The following RSRC1 variants were observed in gnomAD, a reference collection of about 807,000 sequenced individuals.
RSRC1 encodes the protein serine/Arginine-related protein 53.
Under a neutral mutation model 49.1 loss-of-function variants are expected in RSRC1, and 39 were observed. The ratio of observed to expected loss-of-function variants is 0.79; its 90% CI spans 0.61 to 1.04. The LOEUF is 1.04. RSRC1 is among the 50% of genes least tolerant of loss of function. RSRC1 has a pLI of 0.00. For synonymous variants in RSRC1, 143 were observed against 130.8 expected, an observed-to-expected ratio of 1.09 and a Z score of -0.63; for missense variants, 388 against 402.4, an observed-to-expected ratio of 0.96 and a Z score of 0.31.
intron 3 of RSRC1, among the ~76,000 whole-genome samples, chr3:158,148,264 G>A (rs1359683205): frequency 1.3e-5 from 2 of 152,010 alleles, no homozygotes; most frequent in Admixed American, 6.6e-5. Flanking sequence ...TAATTGTATG[G>A]GGTCATTGGA....
At chr3:158,225,725 G>A (rs1315425206) in intron 4 of RSRC1, 1 of 451,478 alleles carries the variant, frequency 2.2e-6, no homozygotes, top group Admixed American at 2.4e-5. Context: ...GTTTTAGGAA[G>A]ACCAAATTGT....
At chr3:158,449,774 T>C (rs1028990474) in intron 6 of RSRC1, among the ~76,000 whole-genome samples, 2 of 152,046 alleles carry the variant, frequency 1.3e-5, no homozygotes, top group African/African-American at 4.8e-5. Context: ...CCGTAATTTC[T>C]TTCTTGAGTT....
intron 7 of RSRC1, among the ~76,000 whole-genome samples, chr3:158,482,414 T>C (rs772730145): frequency 5.3e-5 from 8 of 152,086 alleles, no homozygotes; most frequent in Admixed American, 5.2e-4. Flanking sequence ...GTTTTCACTT[T>C]AATTATTATT....
At chr3:158,224,525 C>A (rs1360448186) in intron 4 of RSRC1, among the ~76,000 whole-genome samples, 1 of 151,752 alleles carries the variant, frequency 6.6e-6, no homozygotes, top group African/African-American at 2.4e-5. Flanking sequence ...ATTTTGAAAT[C>A]ACAGAATTTC....
At chr3:158,404,936 T>G (rs1734082373) in intron 6 of RSRC1, among the ~76,000 whole-genome samples, 1 of 151,922 alleles carries the variant, frequency 6.6e-6, no homozygotes, top group South Asian at 2.1e-4. Flanking sequence ...ACTGTAATGG[T>G]TTTCAAGGAG....
intron 3 of RSRC1, among the ~76,000 whole-genome samples, chr3:158,128,536 A>G (rs767513683): frequency 3.3e-5 from 5 of 152,068 alleles, no homozygotes; most frequent in Non-Finnish European, 7.4e-5. Context: ...TTTATTTTAA[A>G]CTAATTTTAG....
At position 158,496,341 on chromosome 3, in the gene RSRC1, A is replaced by G. The variant is rs1437771452; in HGVS notation, c.652+35338A>G. ...CCTGGAGACTGATTGTTCCACTCCC[A>G]GAGTTTCTGATTCAGGGGGTCTGAG... On this transcript the variant is annotated intron_variant, in intron 7 of 9. Transcript: ENST00000611884. 2.6e-5 allele frequency among the ~76,000 whole-genome samples: 4 copies of G among 152,228 alleles called. No homozygotes were observed. The East Asian group carries it at 5.8e-4, about 22-fold the overall frequency.
At chr3:158,387,167 A>G (rs972436474) in intron 6 of RSRC1, among the ~76,000 whole-genome samples, 3 of 152,174 alleles carry the variant, frequency 2.0e-5, no homozygotes, top group Admixed American at 1.3e-4. Flanking sequence ...AAATACAAAT[A>G]TAAGGATTAT....
In RSRC1 at chr3:158,323,414, T is replaced by C. The variant is rs76818207; in HGVS notation, c.531+25339T>C. On this transcript the variant is annotated intron_variant, in intron 5 of 9. Coordinates refer to ENST00000611884, the MANE Select transcript of RSRC1 (RefSeq NM_001271838.2). Reference sequence around the variant, plus strand: ...GAATACATTCAAAGGTGGAGCAAATTCACAATTCTCCCGGACTTCCAATCT... The same window carrying C: ...GAATACATTCAAAGGTGGAGCAAATCCACAATTCTCCCGGACTTCCAATCT... 7.5e-3 allele frequency among the ~76,000 whole-genome samples: 1,142 copies of C among 152,292 alleles called. 13 individuals are homozygous for C. The highest frequency in any genetic ancestry group is 0.026 in the African/African-American group (1,085 of 41,552).
chr3:158,300,667 AT>A (rs1479553913), intron 5 of RSRC1, among the ~76,000 whole-genome samples: 1 of 152,204 alleles, frequency 6.6e-6, no homozygotes, highest in African/African-American at 2.4e-5. Context: ...GTGTTAAAAA[AT>A]ATATGATAAT....
intron 5 of RSRC1, among the ~76,000 whole-genome samples, chr3:158,308,735 G>A (rs1452429891): frequency 6.6e-6 from 1 of 151,950 alleles, no homozygotes; most frequent in African/African-American, 2.4e-5. Flanking sequence ...GGGCATGGAG[G>A]AAATTAAATC....
chr3:158,312,507 G>A (rs921760641), intron 5 of RSRC1, among the ~76,000 whole-genome samples: 5 of 152,114 alleles, frequency 3.3e-5, no homozygotes, highest in Non-Finnish European at 5.9e-5. Flanking sequence ...TATATAACAA[G>A]CATATTGTGC....
At chr3:158,448,340 A>G (rs1352107651) in intron 6 of RSRC1, among the ~76,000 whole-genome samples, 1 of 151,880 alleles carries the variant, frequency 6.6e-6, no homozygotes, top group African/African-American at 2.4e-5. Context: ...ATTGTAGTAC[A>G]TGGCATCTTA....
intron 6 of RSRC1, among the ~76,000 whole-genome samples, chr3:158,413,215 C>T (rs1734555152): frequency 6.6e-6 from 1 of 152,074 alleles, no homozygotes; most frequent in African/African-American, 2.4e-5. Context: ...CTTCAACATA[C>T]CTGACAAAAA....
intron 5 of RSRC1, among the ~76,000 whole-genome samples, chr3:158,301,241 T>C (rs1412214171): frequency 6.6e-6 from 1 of 152,152 alleles, no homozygotes. Flanking sequence ...GCCTATGCCT[T>C]TTTAAAGTTC....
chr3:158,201,682 A>T (rs557392670), intron 3 of RSRC1, among the ~76,000 whole-genome samples: 1 of 152,118 alleles, frequency 6.6e-6, no homozygotes, highest in Non-Finnish European at 1.5e-5. Flanking sequence ...GTGTTTTTCA[A>T]TTACAGAATT....
At chr3:158,398,926 G>A (rs1015625359) in intron 6 of RSRC1, among the ~76,000 whole-genome samples, 7 of 151,904 alleles carry the variant, frequency 4.6e-5, no homozygotes, top group African/African-American at 1.7e-4. Flanking sequence ...AGTGCCAATA[G>A]TATGATGCTA....
chr3:158,197,021 G>T (rs141971149), intron 3 of RSRC1, among the ~76,000 whole-genome samples: 1 of 152,106 alleles, frequency 6.6e-6, no homozygotes, highest in East Asian at 1.9e-4. Flanking sequence ...CTCATAAAAC[G>T]AGTTAGGGAT....
chr3:158,192,390 A>G (rs1406602131), intron 3 of RSRC1, among the ~76,000 whole-genome samples: 2 of 152,066 alleles, frequency 1.3e-5, no homozygotes, highest in African/African-American at 4.8e-5. Context: ...TAATGAGCAC[A>G]ATTAGTTTGG....
Sources: allele counts gnomAD v4.1 joint callset (sites outside exome capture counted in the v4.1 genomes callset), GRCh38; gene constraint gnomAD v4.1.1; transcripts MANE v1.5; gene names NCBI Gene and HGNC (gene_info 2026-07-23, HGNC 2026-07-21).